The following TSHZ2 variants were observed in gnomAD, a reference collection of about 807,000 sequenced individuals.
The protein encoded by TSHZ2 is teashirt zinc finger homeobox 2, also known as teashirt homolog 2.
A neutral mutation model predicts 74.4 loss-of-function variants in TSHZ2; 21 were observed. The ratio of observed to expected loss-of-function variants is 0.28; its 90% CI spans 0.20 to 0.41. The LOEUF is 0.41. Among genes scored for constraint, TSHZ2 ranks in the 10% least tolerant of loss-of-function variants. TSHZ2 has a pLI of 1.00. For synonymous variants in TSHZ2, 540 were observed against 515.3 expected (o/e 1.05, Z -0.65); for missense variants, 1,244 against 1,293.5 (o/e 0.96, Z 0.59).
chr20:53,341,686 T>C (rs1489652258), intron 2 of TSHZ2, among the ~76,000 whole-genome samples: 1 of 152,048 alleles, frequency 6.6e-6, no homozygotes, highest in Non-Finnish European at 1.5e-5. Flanking sequence ...TATTTATGTA[T>C]GTATAGATAT....
intron 1 of TSHZ2, among the ~76,000 whole-genome samples, chr20:53,161,042 T>G (rs1987921746): frequency 2.0e-5 from 3 of 150,634 alleles, no homozygotes; most frequent in African/African-American, 7.4e-5. Flanking sequence ...TGGGGTTTTT[T>G]GTTTGTTTGT....
At chr20:53,439,674 C>G (rs1984237867) in intron 2 of TSHZ2, among the ~76,000 whole-genome samples, 1 of 152,082 alleles carries the variant, frequency 6.6e-6, no homozygotes, top group Non-Finnish European at 1.5e-5. Context: ...GTGCAAGATC[C>G]TCTATTCCCA....
intron 2 of TSHZ2, among the ~76,000 whole-genome samples, chr20:53,425,789 A>C (rs954730006): frequency 8.1e-5 from 12 of 148,378 alleles, no homozygotes; most frequent in African/African-American, 2.8e-4. Context: ...TTATGTCATA[A>C]AACGTTCTTT....
At chr20:53,060,845 C>A (rs1170430002) in intron 1 of TSHZ2, among the ~76,000 whole-genome samples, 1 of 152,194 alleles carries the variant, frequency 6.6e-6, no homozygotes, top group Non-Finnish European at 1.5e-5. Context: ...TCACCATATC[C>A]TGGCAGCACT....
intron 2 of TSHZ2, among the ~76,000 whole-genome samples, chr20:53,321,612 A>C (rs1424452110): frequency 1.5e-5 from 2 of 135,280 alleles, no homozygotes; most frequent in African/African-American, 5.5e-5. Context: ...TGAACCCGGG[A>C]GGCGGAGGTT....
chr20:53,044,555 G>C (rs772061275), intron 1 of TSHZ2, among the ~76,000 whole-genome samples: 1 of 152,200 alleles, frequency 6.6e-6, no homozygotes, highest in Admixed American at 6.5e-5. Context: ...ACAGAAGGAA[G>C]TTGCTGAGCC....
chr20:52,989,909 G>T (rs1441297471), intron 1 of TSHZ2, among the ~76,000 whole-genome samples: 1 of 149,508 alleles, frequency 6.7e-6, no homozygotes, highest in Non-Finnish European at 1.5e-5. Flanking sequence ...AAATAGATAG[G>T]TAGAAAAAAG....
chr20:53,328,224 A>G (rs757243610), intron 2 of TSHZ2, among the ~76,000 whole-genome samples: 2 of 152,206 alleles, frequency 1.3e-5, no homozygotes, highest in African/African-American at 2.4e-5. Flanking sequence ...AGCATGCTTC[A>G]TCTGTGCTGT....
rs572311133 is a variant in TSHZ2, at chr20:53,107,658, T to G, written c.40+134325T>G. On this transcript the variant is annotated intron_variant, in intron 1 of 2. Transcript: ENST00000371497. ...CTGTGGAGAGTAGTTGTCATAATTA[T>G]AGTTCATTCCCATGTGTGTGCATAC... Among the ~76,000 whole-genome samples, 10 of 152,310 alleles carry G rather than the reference T, an allele frequency of 6.6e-5. No individual in the cohort carries two copies. The South Asian group carries it at 1.9e-3, about 28-fold the overall frequency.
At chr20:53,460,247 T>C (rs1305310977) in intron 2 of TSHZ2, among the ~76,000 whole-genome samples, 1 of 152,074 alleles carries the variant, frequency 6.6e-6, no homozygotes, top group Non-Finnish European at 1.5e-5. Context: ...TTGGAGGCTG[T>C]GCTCATTTCT....
intron 2 of TSHZ2, among the ~76,000 whole-genome samples, chr20:53,448,577 G>T (rs2145776085): frequency 6.6e-6 from 1 of 152,310 alleles, no homozygotes; most frequent in Admixed American, 6.5e-5. Flanking sequence ...TAATTGGGCT[G>T]GTTTCCATAT....
intron 1 of TSHZ2, among the ~76,000 whole-genome samples, chr20:53,186,695 C>T (rs746123916): frequency 2.6e-5 from 4 of 152,148 alleles, no homozygotes; most frequent in African/African-American, 2.4e-5. Flanking sequence ...CTCTGCCACC[C>T]GCCTTTGCTT....
intron 1 of TSHZ2, among the ~76,000 whole-genome samples, chr20:52,985,226 C>G (rs1227469770): frequency 6.6e-6 from 1 of 152,180 alleles, no homozygotes; most frequent in Non-Finnish European, 1.5e-5. Flanking sequence ...ATTATTTCAT[C>G]TCGGTGCGAC....
At chr20:53,276,854 T>G (rs1164078739) in intron 2 of TSHZ2, among the ~76,000 whole-genome samples, 1 of 152,254 alleles carries the variant, frequency 6.6e-6, no homozygotes, top group East Asian at 1.9e-4. Flanking sequence ...GTGCTCCAGA[T>G]AGTTTGCTTT....
At chr20:52,998,529 G>A (rs748354205) in intron 1 of TSHZ2, among the ~76,000 whole-genome samples, 1 of 152,110 alleles carries the variant, frequency 6.6e-6, no homozygotes. Context: ...TTAGCCCAAG[G>A]GTTACTTGCT....
chr20:53,069,842 T>A (rs984753872), intron 1 of TSHZ2, among the ~76,000 whole-genome samples: 1 of 151,856 alleles, frequency 6.6e-6, no homozygotes, highest in Non-Finnish European at 1.5e-5. Flanking sequence ...ATTGTCACCA[T>A]GTTAATAATG....
chr20:53,473,073 C>A (rs1295534197), intron 2 of TSHZ2, among the ~76,000 whole-genome samples: 3 of 149,154 alleles, frequency 2.0e-5, no homozygotes, highest in Non-Finnish European at 4.4e-5. Context: ...GGCAGTGAGG[C>A]TGGGGGAGGG....
intron 1 of TSHZ2, among the ~76,000 whole-genome samples, chr20:53,210,892 G>T (rs184337849): frequency 1.3e-5 from 2 of 152,048 alleles, no homozygotes; most frequent in Non-Finnish European, 2.9e-5. Flanking sequence ...TGACAAAGGG[G>T]TTTATGAGAT....
At chr20:53,008,716 A>C (rs1040698357) in intron 1 of TSHZ2, among the ~76,000 whole-genome samples, 1 of 152,198 alleles carries the variant, frequency 6.6e-6, no homozygotes, top group Non-Finnish European at 1.5e-5. Context: ...TATAAAGGCC[A>C]ACTTAGTCAA....
Sources: allele counts gnomAD v4.1 joint callset (sites outside exome capture counted in the v4.1 genomes callset), GRCh38; gene constraint gnomAD v4.1.1; transcripts MANE v1.5; gene names NCBI Gene and HGNC (gene_info 2026-07-23, HGNC 2026-07-21).